Variants in NKAIN3 observed in about 807,000 individuals in gnomAD.
NKAIN3 encodes sodium/potassium transporting ATPase interacting 3.
NKAIN3 carries 25 observed loss-of-function variants against 30.2 expected under a neutral mutation model. The ratio of observed to expected loss-of-function variants is 0.83; its 90% CI spans 0.60 to 1.16. The LOEUF (loss-of-function observed/expected upper bound fraction) is 1.16. NKAIN3 is among the 50% of genes most tolerant of loss of function. The probability of loss-of-function intolerance (pLI) is 0.00; values close to 1 mark genes in which losing one functional copy is unlikely to be tolerated. For synonymous variants in NKAIN3, 91 were observed against 89.6 expected, an observed-to-expected ratio of 1.02 and a Z score of -0.09; for missense variants, 225 against 254.1, an observed-to-expected ratio of 0.89 and a Z score of 0.78.
intron 1 of NKAIN3, among the ~76,000 whole-genome samples, chr8:62,280,281 T>C (rs1006812056): frequency 3.3e-5 from 5 of 152,168 alleles, no homozygotes; most frequent in Admixed American, 6.6e-5. Flanking sequence ...TGGGCTGAGA[T>C]GATGGAGTTT....
chr8:62,775,141 T>G (rs1691057020), intron 4 of NKAIN3, among the ~76,000 whole-genome samples: 1 of 152,122 alleles, frequency 6.6e-6, no homozygotes, highest in Non-Finnish European at 1.5e-5. Context: ...GGAGGTTGTA[T>G]GTGTCCAGGA....
intron 3 of NKAIN3, among the ~76,000 whole-genome samples, chr8:62,625,993 T>C (rs768174392): frequency 6.6e-6 from 1 of 152,114 alleles, no homozygotes; most frequent in Non-Finnish European, 1.5e-5. Context: ...TCGAGGAAAC[T>C]GAGACTTGAA....
chr8:62,985,877 C>A (rs1311126239), downstream of NKAIN3, among the ~76,000 whole-genome samples: 1 of 152,164 alleles, frequency 6.6e-6, no homozygotes. Context: ...GTGACATACT[C>A]CAGATTCTAC....
intron 4 of NKAIN3, among the ~76,000 whole-genome samples, chr8:62,790,581 CTGTGTGTGTGTG>C (rs35454019): frequency 6.8e-6 from 1 of 147,398 alleles, no homozygotes; most frequent in African/African-American, 2.5e-5. Context: ...GTCTGTCTGT[CTGTGTGTGTGTG>C]TGTGTGTGTC....
chr8:62,760,710 G>A (rs1018244798), intron 4 of NKAIN3, among the ~76,000 whole-genome samples: 3 of 151,924 alleles, frequency 2.0e-5, no homozygotes, highest in Non-Finnish European at 4.4e-5. Context: ...ACACCAACAT[G>A]GCACATGTAT....
chr8:62,928,609 C>G (rs1167451511), intron 5 of NKAIN3, among the ~76,000 whole-genome samples: 1 of 152,110 alleles, frequency 6.6e-6, no homozygotes, highest in Non-Finnish European at 1.5e-5. Context: ...CAGTTAGATG[C>G]CCCATGAGAT....
chr8:62,483,436 A>C, intron 1 of NKAIN3: 1 of 182,562 alleles, frequency 5.5e-6, no homozygotes, highest in Non-Finnish European at 1.2e-5. Flanking sequence ...TTATTCGGCT[A>C]GGTGAGCCAG....
intron 4 of NKAIN3, among the ~76,000 whole-genome samples, chr8:62,843,415 C>T (rs1819587522): frequency 6.6e-6 from 1 of 151,854 alleles, no homozygotes; most frequent in South Asian, 2.1e-4. Flanking sequence ...CAACTCACTG[C>T]AACCTCCACC....
intron 4 of NKAIN3, among the ~76,000 whole-genome samples, chr8:62,793,651 G>A (rs1395254271): frequency 6.6e-6 from 1 of 152,164 alleles, no homozygotes; most frequent in African/African-American, 2.4e-5. Context: ...TCCCTCAGAA[G>A]TGATTATGGT....
chr8:62,330,959 A>C lies in NKAIN3; in HGVS notation c.54+81832A>C, dbSNP rs1406623247. The stretch of plus-strand genomic sequence containing the variant: ...GTCCACATGCTTTGGCTTGGATGCA[A>C]ATCATTTTTCTCTAATCTCTAGACT... On this transcript the variant is annotated intron_variant, in intron 1 of 6. Transcript: ENST00000623646. 1.3e-4 allele frequency among the ~76,000 whole-genome samples: 20 copies of C among 151,098 alleles called. No individual in the cohort carries two copies. The East Asian group carries it at 3.9e-3, about 30-fold the overall frequency.
At chr8:62,357,537 C>T (rs1037598871) in intron 1 of NKAIN3, among the ~76,000 whole-genome samples, 12 of 152,296 alleles carry the variant, frequency 7.9e-5, no homozygotes, top group East Asian at 5.8e-4. Flanking sequence ...AGAATAAAGG[C>T]ATCTCTTTGT....
At chr8:62,509,406 A>G (rs140816174) in intron 1 of NKAIN3, among the ~76,000 whole-genome samples, 326 of 152,082 alleles carry the variant, frequency 2.1e-3, no homozygotes, top group Non-Finnish European at 3.9e-3. Flanking sequence ...TCCTTTATCC[A>G]CTACCTTTGC....
At chr8:62,798,824 G>A (rs1392654817) in intron 4 of NKAIN3, among the ~76,000 whole-genome samples, 1 of 152,120 alleles carries the variant, frequency 6.6e-6, no homozygotes, top group Admixed American at 6.6e-5. Context: ...TTGGAAGTAG[G>A]AAGAGTACCA....
At chr8:62,737,037 GT>G (rs1228862307) in intron 3 of NKAIN3, among the ~76,000 whole-genome samples, 1 of 152,176 alleles carries the variant, frequency 6.6e-6, no homozygotes. Context: ...GGCACTCACA[GT>G]TTTTTGGCTT....
chr8:62,601,374 G>T (rs80181523), intron 3 of NKAIN3, among the ~76,000 whole-genome samples: 14,642 of 151,874 alleles, frequency 0.096, 1,003 homozygotes, highest in East Asian at 0.27. Context: ...AGTATATCTG[G>T]CAAATTGTAC....
intron 1 of NKAIN3, among the ~76,000 whole-genome samples, chr8:62,489,539 G>C (rs898170486): frequency 6.6e-6 from 1 of 151,998 alleles, no homozygotes; most frequent in Non-Finnish European, 1.5e-5. Flanking sequence ...TAATATCTGG[G>C]TAACCAAGAT....
chr8:62,725,687 C>T (rs955398241), intron 3 of NKAIN3, among the ~76,000 whole-genome samples: 10 of 151,958 alleles, frequency 6.6e-5, no homozygotes, highest in Non-Finnish European at 1.3e-4. Context: ...TTTCTGGGTT[C>T]TTTATTTTAT....
At chr8:62,479,588 T>A (rs1189678872) in intron 1 of NKAIN3, among the ~76,000 whole-genome samples, 1 of 152,066 alleles carries the variant, frequency 6.6e-6, no homozygotes, top group Non-Finnish European at 1.5e-5. Flanking sequence ...AAATAAAAGA[T>A]CAGTTTTGGT....
intron 5 of NKAIN3, among the ~76,000 whole-genome samples, chr8:62,933,146 A>T (rs1352177799): frequency 6.6e-6 from 1 of 152,222 alleles, no homozygotes; most frequent in Non-Finnish European, 1.5e-5. Flanking sequence ...GAATATGATC[A>T]AATTCAGTTT....
Sources: allele counts gnomAD v4.1 joint callset (sites outside exome capture counted in the v4.1 genomes callset), GRCh38; gene constraint gnomAD v4.1.1; transcripts MANE v1.5; gene names NCBI Gene and HGNC (gene_info 2026-07-23, HGNC 2026-07-21).